Variants in THRAP3 observed in about 807,000 individuals in gnomAD.
THRAP3 encodes thyroid hormone receptor associated protein 3.
In THRAP3, 16 loss-of-function variants were observed where a neutral mutation model predicts 101.0. The observed-to-expected ratio is 0.16, with a 90% CI of 0.11 to 0.24. The LOEUF is 0.24. Ranked by LOEUF, THRAP3 falls within the 10% of genes least tolerant of loss-of-function variation. The probability of loss-of-function intolerance (pLI) is 1.00; values close to 1 mark genes in which losing one functional copy is unlikely to be tolerated. For missense variants in THRAP3, 989 were observed against 1,202.7 expected, an observed-to-expected ratio of 0.82 and a Z score of 2.63; for synonymous variants, 407 against 422.6, an observed-to-expected ratio of 0.96 and a Z score of 0.45.
chr1:36,256,213 A>ATTATTATTATTG (rs1360312854), intron 1 of THRAP3, among the ~76,000 whole-genome samples: 6 of 129,058 alleles, frequency 4.6e-5, no homozygotes, highest in African/African-American at 1.3e-4. Flanking sequence ...TATTATTGTT[A>ATTATTATTATTG]TTATTGTTAT....
chr1:36,220,454 T>C (rs1054329195), upstream of THRAP3, among the ~76,000 whole-genome samples: 1 of 152,142 alleles, frequency 6.6e-6, no homozygotes, highest in African/African-American at 2.4e-5. Flanking sequence ...GGTGGACTGA[T>C]TACTTGAGGT....
intron 2 of THRAP3, among the ~76,000 whole-genome samples, chr1:36,274,823 G>T (rs1382662541): frequency 1.3e-5 from 2 of 150,802 alleles, no homozygotes; most frequent in Non-Finnish European, 3.0e-5. Flanking sequence ...AGTAGAGACG[G>T]GGTTTCACCA....
At chr1:36,295,930 C>T (rs1645943369) in intron 8 of THRAP3, among the ~76,000 whole-genome samples, 1 of 141,786 alleles carries the variant, frequency 7.1e-6, no homozygotes, top group Non-Finnish European at 1.5e-5. Flanking sequence ...CCTACTTTTC[C>T]AGAGCTAATT....
chr1:36,232,955 A>ACCTCTC (rs10643333), intron 1 of THRAP3, among the ~76,000 whole-genome samples: 1 of 149,528 alleles, frequency 6.7e-6, no homozygotes, highest in African/African-American at 2.5e-5. Context: ...GCTCACTGCA[A>ACCTCTC]CCTCCCAGAT....
At chr1:36,220,972 A>AAAAAAAAAAAAAAAAAATATATATATAT (rs1285765741), upstream of THRAP3, among the ~76,000 whole-genome samples, 1 of 94,146 alleles carries the variant, frequency 1.1e-5, no homozygotes, top group Non-Finnish European at 2.0e-5. Flanking sequence ...AAAAAAAAAA[A>AAAAAAAAAAAAAAAAAATATATATATAT]ATATATATAT....
chr1:36,216,809 AT>A, the THRAP3 span, among the ~76,000 whole-genome samples: 11 of 152,272 alleles, frequency 7.2e-5, no homozygotes, highest in African/African-American at 2.6e-4. Context: ...AAATGTAAAA[AT>A]AATCCTAGTT....
intron 1 of THRAP3, among the ~76,000 whole-genome samples, chr1:36,252,525 T>G (rs897053006): frequency 1.3e-5 from 2 of 152,144 alleles, no homozygotes; most frequent in African/African-American, 4.8e-5. Flanking sequence ...ACTTTAGGCT[T>G]TGCTGGCCAA....
intron 9 of THRAP3, among the ~76,000 whole-genome samples, chr1:36,297,745 G>A (rs1215122717): frequency 2.6e-5 from 4 of 151,382 alleles, no homozygotes; most frequent in African/African-American, 9.7e-5. Flanking sequence ...GCCTGGCCGC[G>A]TTTTTATATC....
chr1:36,229,412 GT>G (rs1453155517), intron 1 of THRAP3, among the ~76,000 whole-genome samples: 3 of 81,004 alleles, frequency 3.7e-5, no homozygotes, highest in South Asian at 4.8e-4. Flanking sequence ...TTTTTTTTTT[GT>G]TTTTTTTTTG....
In THRAP3 at chr1:36,289,052, A is replaced by G; in HGVS notation, c.1041-8A>G. ...TCTTGTGTCTCTCTCTTGTGTTTTT[A>G]TAAATAGGTATCTAGAAGAGCAGAA... On this transcript the variant is annotated splice_polypyrimidine_tract_variant and splice_region_variant and intron_variant, in intron 4 of 11. Coordinates refer to ENST00000354618, the MANE Select transcript of THRAP3 (RefSeq NM_005119.4). 3.9e-6 allele frequency: 6 copies of G among 1,555,858 alleles called. No individual in the cohort carries two copies. Among genetic ancestry groups the G allele is most frequent in the Non-Finnish European group, 5.2e-6 (6 of 1,155,100 alleles).
chr1:36,252,556 C>T (rs1308415170), intron 1 of THRAP3, among the ~76,000 whole-genome samples: 2 of 152,144 alleles, frequency 1.3e-5, no homozygotes, highest in Non-Finnish European at 2.9e-5. Flanking sequence ...TGAGGCTACT[C>T]TGTGGGTACT....
At chr1:36,295,735 G>C (rs947850694) in intron 8 of THRAP3, among the ~76,000 whole-genome samples, 2 of 151,624 alleles carry the variant, frequency 1.3e-5, no homozygotes, top group African/African-American at 2.4e-5. Context: ...TCCCTTTCTA[G>C]AGAAATTTGT....
chr1:36,262,263 C>A (rs542259220), intron 2 of THRAP3, among the ~76,000 whole-genome samples: 7 of 152,262 alleles, frequency 4.6e-5, no homozygotes, highest in Non-Finnish European at 8.8e-5. Flanking sequence ...TTCAGATCAG[C>A]CACATTTCAC....
At chr1:36,234,493 T>C (rs993032698) in intron 1 of THRAP3, among the ~76,000 whole-genome samples, 1 of 152,230 alleles carries the variant, frequency 6.6e-6, no homozygotes, top group Non-Finnish European at 1.5e-5. Context: ...AAGAGATTTT[T>C]ACTGTTATGG....
chr1:36,261,547 T>C (rs1208143580), intron 2 of THRAP3, among the ~76,000 whole-genome samples: 1 of 151,808 alleles, frequency 6.6e-6, no homozygotes, highest in African/African-American at 2.4e-5. Context: ...AAAGTAAAAA[T>C]AAAATAAAAA....
At chr1:36,227,959 A>G (rs576520626) in intron 1 of THRAP3, among the ~76,000 whole-genome samples, 10 of 149,004 alleles carry the variant, frequency 6.7e-5, no homozygotes, top group Admixed American at 6.7e-4. Flanking sequence ...CACTGCATCC[A>G]CCGCCTCCTG....
chr1:36,293,757 C>A, intron 7 of THRAP3, 94 bp from the exon 8 acceptor site: 3 of 942,286 alleles, frequency 3.2e-6, no homozygotes, highest in East Asian at 3.1e-5. Flanking sequence ...AAAAATAATG[C>A]CTGTGAATCT....
intron 9 of THRAP3, among the ~76,000 whole-genome samples, 187 bp from the exon 10 acceptor site, chr1:36,300,699 T>C (rs1377491582): frequency 6.6e-6 from 1 of 152,192 alleles, no homozygotes; most frequent in African/African-American, 2.4e-5. Flanking sequence ...TGAACATGAC[T>C]GACAGAATTG....
At chr1:36,224,986 C>T (rs1028527396) in intron 1 of THRAP3, 2 of 152,252 alleles carry the variant, frequency 1.3e-5, no homozygotes, top group Non-Finnish European at 2.9e-5. Flanking sequence ...TGGCCAAAAA[C>T]GGGATAGTCC....
Sources: gnomAD v4.1 joint callset for allele counts (sites outside exome capture counted in the v4.1 genomes callset) on GRCh38, gnomAD v4.1.1 for gene constraint, MANE v1.5 for transcripts, NCBI Gene and HGNC (gene_info 2026-07-23, HGNC 2026-07-21) for gene names.